ALK: variants seen among roughly 807,000 people sequenced by gnomAD.
ALK encodes ALK receptor tyrosine kinase, also known as ALK tyrosine kinase receptor.
Under a neutral mutation model 163.1 loss-of-function variants are expected in ALK, and 74 were observed. The observed-to-expected ratio is 0.45, with a 90% CI of 0.38 to 0.55. The LOEUF (loss-of-function observed/expected upper bound fraction) is 0.55, where lower values mean the gene tolerates loss of function less well. Ranked by LOEUF, ALK falls within the 20% of genes least tolerant of loss-of-function variation. The pLI, the probability that ALK is intolerant of heterozygous loss-of-function variation, is 0.00. For synonymous variants in ALK, 960 were observed against 843.2 expected (o/e 1.14, Z -2.40); for missense variants, 2,063 against 2,105.3 (o/e 0.98, Z 0.39).
At chr2:29,365,294 T>C (rs76382756) in intron 5 of ALK, among the ~76,000 whole-genome samples, 6,639 of 152,286 alleles carry the variant, frequency 0.044, 175 homozygotes, top group African/African-American at 0.054. Context: ...AGTTTAAACA[T>C]AGGAAGCACT....
At chr2:29,752,868 G>A (rs1201088132) in intron 1 of ALK, among the ~76,000 whole-genome samples, 3 of 152,140 alleles carry the variant, frequency 2.0e-5, no homozygotes, top group Non-Finnish European at 4.4e-5. Flanking sequence ...ACCCAAGACT[G>A]AGACACACAA....
chr2:29,596,654 G>C (rs1029544082), intron 3 of ALK, among the ~76,000 whole-genome samples: 3 of 152,158 alleles, frequency 2.0e-5, no homozygotes, highest in African/African-American at 7.2e-5. Context: ...TTTATGACTT[G>C]ATCATAAAAC....
At chr2:29,528,367 C>CTGCTGGATT (rs1448160580) in intron 4 of ALK, among the ~76,000 whole-genome samples, 20 of 152,218 alleles carry the variant, frequency 1.3e-4, no homozygotes. Flanking sequence ...CAGACAATTG[C>CTGCTGGATT]TGCTGGATTG....
At chr2:29,492,377 C>T (rs1006344471) in intron 4 of ALK, among the ~76,000 whole-genome samples, 2 of 152,094 alleles carry the variant, frequency 1.3e-5, no homozygotes, top group African/African-American at 4.8e-5. Context: ...AAATATAGTG[C>T]CTGACCTTAT....
intron 3 of ALK, among the ~76,000 whole-genome samples, chr2:29,556,623 A>T (rs1431222947): frequency 6.6e-6 from 1 of 152,228 alleles, no homozygotes; most frequent in Non-Finnish European, 1.5e-5. Flanking sequence ...ATTTAAATAC[A>T]GAAGCTATTA....
rs116595655 is a variant in ALK at position 29,272,800 on chromosome 2, A to G, written c.2041+2299T>C. On this transcript the variant is annotated intron_variant, in intron 11 of 28. Transcript: ENST00000389048. Reference sequence around the variant, plus strand: ...CTGGAACTCTTCCCTGCTCTTTTCCATTTTTAGTGTTTATCTCCGATTGGA... The same window carrying G: ...CTGGAACTCTTCCCTGCTCTTTTCCGTTTTTAGTGTTTATCTCCGATTGGA... 9.3e-3 allele frequency among the ~76,000 whole-genome samples: 1,413 copies of G among 152,124 alleles called. 35 individuals carry two copies. Among genetic ancestry groups the G allele is most frequent in the African/African-American group, 0.032 (1,340 of 41,482 alleles).
chr2:29,259,848 C>T (rs150341124), intron 11 of ALK, among the ~76,000 whole-genome samples: 237 of 151,984 alleles, frequency 1.6e-3, no homozygotes, highest in African/African-American at 5.3e-3. Flanking sequence ...CGGTTTTCTT[C>T]GTCAGGTCTT....
At chr2:29,347,953 TG>T (rs1381337689) in intron 5 of ALK, among the ~76,000 whole-genome samples, 1 of 152,202 alleles carries the variant, frequency 6.6e-6, no homozygotes, top group Non-Finnish European at 1.5e-5. Flanking sequence ...CAAATTACAT[TG>T]GTGCTGGTTC....
chr2:29,405,363 C>G lies in ALK; in HGVS notation c.1155-21504G>C, dbSNP rs1408772661. On this transcript the variant is annotated intron_variant, in intron 4 of 28. Transcript: ENST00000389048. The stretch of plus-strand genomic sequence containing the variant: ...ACCTACAATATGCCTTTGGTGGAAA[C>G]TCAGATGTTTCTGGCATGCTGTCTC... Among the ~76,000 whole-genome samples, 4 of 152,166 alleles carry G rather than the reference C, an allele frequency of 2.6e-5. No individual in the cohort carries two copies. The East Asian group carries it at 7.7e-4, about 29-fold the overall frequency.
intron 8 of ALK, among the ~76,000 whole-genome samples, chr2:29,309,545 G>C (rs1022013368): frequency 1.2e-4 from 19 of 152,210 alleles, no homozygotes; most frequent in African/African-American, 3.9e-4. Context: ...TGCTCTGGCA[G>C]AGTCGACCAC....
chr2:29,413,082 T>G (rs1303306305), intron 4 of ALK, among the ~76,000 whole-genome samples: 1 of 152,194 alleles, frequency 6.6e-6, no homozygotes, highest in Non-Finnish European at 1.5e-5. Flanking sequence ...TAATTTTGTT[T>G]CCAGGTCAAT....
At chr2:29,558,259 G>A (rs556456559) in intron 3 of ALK, among the ~76,000 whole-genome samples, 1 of 152,170 alleles carries the variant, frequency 6.6e-6, no homozygotes, top group Non-Finnish European at 1.5e-5. Flanking sequence ...GGCCAGTACT[G>A]TTAGAATTGG....
chr2:29,603,863 T>C (rs1675445531), intron 3 of ALK, among the ~76,000 whole-genome samples: 1 of 152,204 alleles, frequency 6.6e-6, no homozygotes, highest in Non-Finnish European at 1.5e-5. Context: ...CCTGGCTAAA[T>C]CCTTAAATCT....
intron 1 of ALK, among the ~76,000 whole-genome samples, chr2:29,800,356 T>G (rs1572389215): frequency 6.6e-6 from 1 of 152,200 alleles, no homozygotes; most frequent in African/African-American, 2.4e-5. Flanking sequence ...TCTTCATCAT[T>G]CCCAGCCGTT....
At chr2:29,217,534 G>A (rs1198930398) in intron 23 of ALK, among the ~76,000 whole-genome samples, 1 of 152,074 alleles carries the variant, frequency 6.6e-6, no homozygotes, top group Non-Finnish European at 1.5e-5. Flanking sequence ...AGGCACGGCT[G>A]ACCTGGGCAT....
intron 1 of ALK, among the ~76,000 whole-genome samples, chr2:29,895,285 T>C (rs1667240706): frequency 6.6e-6 from 1 of 152,202 alleles, no homozygotes. Flanking sequence ...GGTGACAACT[T>C]GGGAAGGCAG....
chr2:29,211,772 AAGG>A (rs1245536247), intron 24 of ALK, among the ~76,000 whole-genome samples: 2 of 83,238 alleles, frequency 2.4e-5, no homozygotes, highest in Non-Finnish European at 6.5e-5. Context: ...ATTGCCCCAG[AAGG>A]ACAGTTTCTG....
chr2:29,533,957 A>G (rs928578493), intron 3 of ALK, among the ~76,000 whole-genome samples: 11 of 152,200 alleles, frequency 7.2e-5, no homozygotes, highest in Admixed American at 7.2e-4. Flanking sequence ...AAAAACAAAG[A>G]TACTGGCAGA....
intron 5 of ALK, among the ~76,000 whole-genome samples, chr2:29,367,748 ATTATTG>A (rs966341294): frequency 2.6e-5 from 4 of 152,174 alleles, no homozygotes; most frequent in African/African-American, 9.7e-5. Flanking sequence ...TATTATTGTT[ATTATTG>A]TCATTGCTGT....
Sources: allele counts gnomAD v4.1 joint callset (sites outside exome capture counted in the v4.1 genomes callset), GRCh38; gene constraint gnomAD v4.1.1; transcripts MANE v1.5; gene names NCBI Gene and HGNC (gene_info 2026-07-23, HGNC 2026-07-21).